Variants in IL11RA observed in about 807,000 individuals in gnomAD.
IL11RA encodes interleukin 11 receptor subunit alpha.
In IL11RA, 51 loss-of-function variants were observed where a neutral mutation model predicts 57.0. The ratio of observed to expected loss-of-function variants is 0.89; its 90% CI spans 0.71 to 1.13. IL11RA has a LOEUF of 1.13. Among genes scored for constraint, IL11RA ranks in the 50% most tolerant of loss-of-function variants. The pLI is 0.00. For synonymous variants in IL11RA, 199 were observed against 217.5 expected (o/e 0.91, Z 0.75); for missense variants, 498 against 539.4 (o/e 0.92, Z 0.76).
rs1821415862 is a variant in IL11RA, at chr9:34,659,768, G to T, written c.820G>T (p.Ala274Ser). The T allele has an allele frequency of 6.2e-7, 1 of 1,614,070 alleles. No individual in the cohort carries two copies. Residue 274 changes from alanine (A) to serine (S), a missense_variant, in exon 9 of 13, where the codon GCT becomes TCT. By Grantham distance (99) the Ala-to-Ser change is moderately conservative. Transcript: ENST00000441545. The part of the protein sequence containing the change: ...QHPAWSTVEP[A>S]GLEEVITDAV... ...TCATGTTTACCCCCAGGTGGAGCCA[G>T]CTGGACTGGAGGAGGTGATCACAGA...
chr9:34,660,868 G>C lies in IL11RA; in HGVS notation c.1184G>C (p.Arg395Pro). Residue 395 changes from arginine to proline, a missense_variant, in exon 12 of 13, where the codon CGG (arginine) becomes CCG (proline). Transcript: ENST00000441545. ...CTATGCCCCAGGCTGAGGCTGAGAC[G>C]GGGTGGGAAGGATGGATCCCCAAAG... ...LALGLWLRLR[R>P]GGKDGSPKPG... 2.5e-6 allele frequency: 4 copies of C among 1,614,124 alleles called. No individual in the cohort carries two copies. The highest frequency in any genetic ancestry group is 1.6e-4 in the Middle Eastern group (1 of 6,062).
intron 8 of IL11RA, among the ~76,000 whole-genome samples, chr9:34,659,131 C>T (rs1336584459): frequency 6.6e-6 from 1 of 152,016 alleles, no homozygotes; most frequent in Non-Finnish European, 1.5e-5. Context: ...CACCATATTG[C>T]CCAGGCTGGT....
At chr9:34,660,230 C>A (rs1191286305) in intron 9 of IL11RA, 44 bp from the exon 10 acceptor site, 8 of 1,613,924 alleles carry the variant, frequency 5.0e-6, no homozygotes, top group African/African-American at 1.3e-5. Context: ...TGACCCCCGT[C>A]CCCACCAGCG....
At position 34,656,917 on chromosome 9, in the gene IL11RA, G is replaced by A; in HGVS notation, c.331+9G>A. The stretch of plus-strand genomic sequence containing the variant: ...GACCCTGCAGCTGGGCTGTGAGTTG[G>A]GGAGGGTGGCACTGATGACACATAG... On this transcript the variant is annotated intron_variant, in intron 4 of 12. Coordinates refer to ENST00000441545, the MANE Select transcript of IL11RA (RefSeq NM_001142784.3). 1 of 1,614,072 alleles carries A rather than the reference G, an allele frequency of 6.2e-7. No individual in the cohort carries two copies. Among genetic ancestry groups the A allele is most frequent in the Non-Finnish European group, 8.5e-7 (1 of 1,179,982 alleles).
intron 3 of IL11RA, 112 bp downstream of exon 3, chr9:34,655,777 T>A: frequency 2.3e-6 from 2 of 858,978 alleles, no homozygotes; most frequent in Non-Finnish European, 3.9e-6. Flanking sequence ...AATCCTCACC[T>A]CTCTATCTGT....
Position 34,661,768 on chromosome 9 carries a change from T to C in IL11RA, c.*270T>C. ...CCATGTGTCTGTGAGGCAGGGAACA[T>C]GTATTCTCTGCATGCATGTATGTAG... On this transcript the variant is annotated 3_prime_UTR_variant, in exon 13 of 13. Coordinates refer to ENST00000441545, the MANE Select transcript of IL11RA (RefSeq NM_001142784.3). 2.7e-6 allele frequency: 2 copies of C among 744,782 alleles called. No homozygotes were observed. Among genetic ancestry groups the C allele is most frequent in the East Asian group, 2.5e-5 (1 of 39,958 alleles). The allele number at this position is 744,782 out of a possible 1,614,324, so 46.1% of individuals were successfully genotyped here.
rs1821413519 is a variant in IL11RA at position 34,659,672 on chromosome 9, TG to T, written c.811-84del. On this transcript the variant is annotated intron_variant, in intron 8 of 12. Transcript: ENST00000441545. ...GCTCCACTAGGCTTTAGGATGAGAC[TG>T]GGAGCAAGGGGTGCTCTTTGTAGAT... 2.5e-5 allele frequency: 39 copies of T among 1,535,864 alleles called. No homozygotes were observed. The South Asian group carries it at 4.0e-4, about 16-fold the overall frequency.
In IL11RA at chr9:34,653,154, G is replaced by T. The variant is rs1314835274; in HGVS notation, c.-1+921G>T. ...AGAGCTCCCTGAGAGAGGGGGCTTA[G>T]ACCATGATGAAGAGTTGCTTTTAGG... On this transcript the variant is annotated intron_variant, in intron 1 of 12. Coordinates refer to ENST00000441545, the MANE Select transcript of IL11RA (RefSeq NM_001142784.3). The surrounding 1 kb of genome is among the most constrained non-coding windows in gnomAD (Gnocchi z 4.5). 1.3e-5 allele frequency among the ~76,000 whole-genome samples: 2 copies of T among 152,208 alleles called. No homozygotes were observed. The highest frequency in any genetic ancestry group is 2.9e-5 in the Non-Finnish European group (2 of 68,036).
chr9:34,654,216 C>T (rs1056964651), intron 1 of IL11RA, among the ~76,000 whole-genome samples: 23 of 152,132 alleles, frequency 1.5e-4, no homozygotes, highest in Admixed American at 1.1e-3. Context: ...CCTCCTTCTG[C>T]TCCCCCTTGT....
chr9:34,655,510 C>T (rs1821326548), intron 2 of IL11RA, 95 bp from the exon 3 acceptor site: 1 of 1,137,206 alleles, frequency 8.8e-7, no homozygotes, highest in East Asian at 2.4e-5. Flanking sequence ...AGCCCCCCAC[C>T]ACCCAGGTTT....
chr9:34,655,092 T>G, intron 1 of IL11RA, 126 bp from the exon 2 acceptor site: 2 of 734,144 alleles, frequency 2.7e-6, no homozygotes, highest in South Asian at 3.0e-5. Flanking sequence ...CAGTGATTTC[T>G]AACAGCCTTA....
In IL11RA at chr9:34,658,965, C is replaced by A. The variant is rs570043937; in HGVS notation, c.810+282C>A. Among the ~76,000 whole-genome samples the A allele has an allele frequency of 6.6e-6, 1 of 152,048 alleles. No individual in the cohort carries two copies. The highest frequency in any genetic ancestry group is 6.5e-5 in the Admixed American group (1 of 15,276). On this transcript the variant is annotated intron_variant, in intron 8 of 12. Transcript: ENST00000441545. This position sits in a 1 kb window ranked among gnomAD's most constrained non-coding sequence, Gnocchi z 4.0. ...TTTGAGAGGGAGTCTCGCTCTGTCA[C>A]CTAGGCTGGAGTGCAGTGGTGCAAT...
chr9:34,660,654 C>G, intron 11 of IL11RA, 54 bp downstream of exon 11: 1 of 1,443,684 alleles, frequency 6.9e-7, no homozygotes, highest in African/African-American at 1.4e-5. Flanking sequence ...TGCTCTGATG[C>G]CCATAGACCA....
chr9:34,656,845 G>A lies in IL11RA; in HGVS notation c.268G>A (p.Gly90Ser), dbSNP rs1821353143. Residue 90 changes from glycine (G) to serine (S), a missense_variant, in exon 4 of 13, where the codon GGC becomes AGC. By Grantham distance (56) the Gly-to-Ser change is moderately conservative (BLOSUM62 0). Transcript: ENST00000441545. ...VLAQADSTDE[G>S]TYICQTLDGA... ...GGCCCAGGCAGACAGCACTGATGAGGGCACCTACATCTGCCAGACCCTGGA... is the reference window on the plus strand; with the variant it reads ...GGCCCAGGCAGACAGCACTGATGAGAGCACCTACATCTGCCAGACCCTGGA... The A allele has an allele frequency of 6.2e-7, 1 of 1,614,146 alleles. No individual in the cohort carries two copies. The highest frequency in any genetic ancestry group is 8.5e-7 in the Non-Finnish European group (1 of 1,180,004).
intron 1 of IL11RA, 31 bp from the exon 2 acceptor site, chr9:34,655,187 C>T (rs2812356): frequency 5.1e-5 from 76 of 1,483,940 alleles, no homozygotes; most frequent in Middle Eastern, 1.7e-4. Context: ...TCTCAGGGGT[C>T]GGGGATTTTT....
At chr9:34,655,906 G>T in intron 3 of IL11RA, 1 of 577,170 alleles carries the variant, frequency 1.7e-6, no homozygotes, top group Non-Finnish European at 3.2e-6. Context: ...CAGGCAAGGT[G>T]CCTGCCTTCA....
intron 11 of IL11RA, 38 bp downstream of exon 11, chr9:34,660,638 C>T (rs760518448): frequency 6.6e-7 from 1 of 1,522,432 alleles, no homozygotes; most frequent in South Asian, 1.1e-5. Flanking sequence ...CTCTGATCCT[C>T]ACACATGCTC....
At chr9:34,655,385 T>G in intron 2 of IL11RA, 68 bp downstream of exon 2, 1 of 1,003,512 alleles carries the variant, frequency 1.0e-6, no homozygotes, top group Non-Finnish European at 1.6e-6. Context: ...CTGTGGCCCC[T>G]TCCCATGCCT....
Position 34,657,704 on chromosome 9 carries a change from G to C in IL11RA, c.646+117G>C, listed in dbSNP as rs891374298. ...CCCAACCTAGACTCCATTTCACACA[G>C]AGAAGGCCCTGTGGAGCCTGAGAAG... On this transcript the variant is annotated intron_variant, in intron 7 of 12. Coordinates refer to ENST00000441545, the MANE Select transcript of IL11RA (RefSeq NM_001142784.3). 12 of 1,022,150 alleles carry C rather than the reference G, an allele frequency of 1.2e-5. No individual in the cohort carries two copies. The African/African-American group carries it at 1.9e-4, about 16-fold the overall frequency. 63.3% of individuals were successfully genotyped at this position (1,022,150 alleles called of 1,614,324 possible).
Sources: gnomAD v4.1 joint callset for allele counts (sites outside exome capture counted in the v4.1 genomes callset) on GRCh38, gnomAD v4.1.1 for gene constraint, Gnocchi (gnomAD v3.1) non-coding constraint, MANE v1.5 for transcripts, NCBI Gene and HGNC (gene_info 2026-07-23, HGNC 2026-07-21) for gene names.